Variants in STX17 observed in about 807,000 individuals in gnomAD.
STX17 encodes the protein syntaxin-17.
STX17 carries 29 observed loss-of-function variants against 35.9 expected under a neutral mutation model. The observed-to-expected ratio is 0.81, with a 90% CI of 0.60 to 1.10. The LOEUF (loss-of-function observed/expected upper bound fraction) is 1.10. Ranked by LOEUF, STX17 falls within the 50% of genes least tolerant of loss-of-function variation. STX17 has a pLI of 0.00. For missense variants in STX17, 312 were observed against 352.3 expected (o/e 0.89, Z 0.92); for synonymous variants, 92 against 118.3 (o/e 0.78, Z 1.44).
In STX17 at chr9:99,913,920, C is replaced by G. The variant is rs557937608; in HGVS notation, c.-62-1258C>G. 181 of 151,700 alleles carry G rather than the reference C, an allele frequency of 1.2e-3. 2 individuals are homozygous for G. The highest frequency in any genetic ancestry group is 4.2e-3 in the African/African-American group (175 of 41,400). The allele number at this position is 151,700 out of a possible 1,614,324, so 9.4% of individuals were successfully genotyped here. A position where few individuals can be genotyped will look rare whatever the true frequency, so the allele number is the denominator to read the frequency against. On this transcript the variant is annotated intron_variant, in intron 1 of 7. Transcript: ENST00000259400. ...GGGGATGATAGATCTCTGAGAATCC[C>G]TTGAAACAATGGACTCTATTCTCCA...
intron 3 of STX17, among the ~76,000 whole-genome samples, chr9:99,940,937 C>G (rs986007184): frequency 6.6e-6 from 1 of 152,198 alleles, no homozygotes; most frequent in Non-Finnish European, 1.5e-5. Context: ...CTCTTGTGAA[C>G]TAAACTGCAA....
At chr9:99,926,036 A>G (rs958959400) in intron 2 of STX17, among the ~76,000 whole-genome samples, 1 of 151,518 alleles carries the variant, frequency 6.6e-6, no homozygotes, top group African/African-American at 2.4e-5. Flanking sequence ...TGTGTGTTTC[A>G]TTTTGGATAG....
chr9:99,961,878 C>T (rs1200692397), intron 6 of STX17, among the ~76,000 whole-genome samples: 2 of 152,082 alleles, frequency 1.3e-5, no homozygotes, highest in African/African-American at 4.8e-5. Context: ...GATATTGATA[C>T]TTAAACTATT....
chr9:99,926,888 T>G (rs979811572), intron 2 of STX17, among the ~76,000 whole-genome samples: 4 of 152,196 alleles, frequency 2.6e-5, no homozygotes, highest in African/African-American at 9.6e-5. Flanking sequence ...TACTTTGGAG[T>G]ATTCTACCTG....
intron 3 of STX17, among the ~76,000 whole-genome samples, chr9:99,943,592 A>G (rs1829413636): frequency 6.6e-6 from 1 of 152,246 alleles, no homozygotes; most frequent in Admixed American, 6.5e-5. Context: ...TACAGGCGTG[A>G]GCCACTGCAC....
At chr9:99,911,546 G>T (rs926181040) in intron 1 of STX17, among the ~76,000 whole-genome samples, 2 of 152,050 alleles carry the variant, frequency 1.3e-5, no homozygotes, top group African/African-American at 4.8e-5. Flanking sequence ...GGATCATATG[G>T]TAGTTTTATT....
At position 99,927,451 on chromosome 9, in the gene STX17, T is replaced by C. The variant is rs75253075; in HGVS notation, c.124-1327T>C. ...TTTGGTAAATACATTTTCAATATGGTCTAATTTTTTAAAATATTTTTATTT... is the reference window on the plus strand; with the variant it reads ...TTTGGTAAATACATTTTCAATATGGCCTAATTTTTTAAAATATTTTTATTT... On this transcript the variant is annotated intron_variant, in intron 2 of 7. Coordinates refer to ENST00000259400, the MANE Select transcript of STX17 (RefSeq NM_017919.3). Among the ~76,000 whole-genome samples the C allele has an allele frequency of 2.2e-3, 330 of 152,124 alleles. 1 individual carries two copies. The highest frequency in any genetic ancestry group is 7.5e-3 in the African/African-American group (313 of 41,534).
rs573078656 is a variant in STX17 at position 99,969,463 on chromosome 9, T to A, written c.*790T>A. The A allele has an allele frequency of 2.2e-4, 34 of 152,362 alleles. No homozygotes were observed. Among genetic ancestry groups the A allele is most frequent in the African/African-American group, 8.2e-4 (34 of 41,590 alleles). The allele number at this position is 152,362 out of a possible 1,614,324, so 9.4% of individuals were successfully genotyped here. On this transcript the variant is annotated 3_prime_UTR_variant, in exon 8 of 8. Transcript: ENST00000259400. ...TGGTTTCTGGGGTGAATTCTACCCA[T>A]GTATAATGAGGAATTCTCTCATAAC...
In STX17 at chr9:99,968,602, CAG is replaced by C. The variant is rs1442297838; in HGVS notation, c.840_841del (p.Lys281AsnfsTer17). On this transcript the variant is annotated frameshift_variant, in exon 8 of 8. Transcript: ENST00000259400. LOFTEE classifies it high-confidence loss of function. ...TGGAAAATTGATACAAAGAAAGAAA[CAG>C]AAAATGATGGAGAAGCTCACTTCCA... ...TGGKLIQRKK[Q>X]KMMEKLTSSC... The C allele has an allele frequency of 1.5e-5, 25 of 1,613,810 alleles. No homozygotes were observed. In the Admixed American group the frequency reaches 4.0e-4, roughly 26 times the overall value.
At chr9:99,927,975 G>T (rs918915591) in intron 2 of STX17, among the ~76,000 whole-genome samples, 1 of 151,892 alleles carries the variant, frequency 6.6e-6, no homozygotes, top group Non-Finnish European at 1.5e-5. Flanking sequence ...ATATATGAGG[G>T]AATTTTTATG....
chr9:99,964,009 T>C (rs917534911), intron 6 of STX17, among the ~76,000 whole-genome samples: 2 of 152,168 alleles, frequency 1.3e-5, no homozygotes, highest in Admixed American at 1.3e-4. Flanking sequence ...TAAATGGACG[T>C]ACCTGGAGTT....
chr9:99,954,593 T>G (rs2118498622), intron 4 of STX17, among the ~76,000 whole-genome samples: 1 of 152,220 alleles, frequency 6.6e-6, no homozygotes, highest in Non-Finnish European at 1.5e-5. Flanking sequence ...CATGTTTTTA[T>G]TCTATGCTCT....
At chr9:99,918,455 G>C (rs1828823251) in intron 2 of STX17, among the ~76,000 whole-genome samples, 1 of 151,740 alleles carries the variant, frequency 6.6e-6, no homozygotes, top group African/African-American at 2.4e-5. Context: ...CTTTTAAAGA[G>C]AATTCTGTTT....
intron 1 of STX17, among the ~76,000 whole-genome samples, chr9:99,911,731 C>A (rs1828669382): frequency 6.6e-6 from 1 of 152,044 alleles, no homozygotes; most frequent in Non-Finnish European, 1.5e-5. Flanking sequence ...CACCCACCAC[C>A]ACACCCAGCT....
In STX17 at chr9:99,968,413, GA is replaced by G. The variant is rs1354741040; in HGVS notation, c.670-19del. The G allele has an allele frequency of 6.6e-7, 1 of 1,510,780 alleles. No individual in the cohort carries two copies. 93.6% of individuals were successfully genotyped at this position (1,510,780 alleles called of 1,614,324 possible). On this transcript the variant is annotated intron_variant, in intron 7 of 7. Coordinates refer to ENST00000259400, the MANE Select transcript of STX17 (RefSeq NM_017919.3). ...ATATTCTCAACTCAGTTTCTAAATT[GA>G]ATTTTTTTTTTTTTTACAGGCTGCA...
rs1025372441 is a variant in STX17, at chr9:99,972,545, G to T, written c.*3872G>T. ...TTATACTGAAACTGAGTGCTGTACAGGGAGAATTGCATGAGTCCAGAAACT... is the reference window on the plus strand; with the variant it reads ...TTATACTGAAACTGAGTGCTGTACATGGAGAATTGCATGAGTCCAGAAACT... On this transcript the variant is annotated 3_prime_UTR_variant, in exon 8 of 8. Transcript: ENST00000259400. 2.0e-5 allele frequency among the ~76,000 whole-genome samples: 3 copies of T among 152,188 alleles called. No individual in the cohort carries two copies. Among genetic ancestry groups the T allele is most frequent in the African/African-American group, 7.2e-5 (3 of 41,446 alleles).
Position 99,943,694 on chromosome 9 carries a change from A to G in STX17, c.190-7366A>G, listed in dbSNP as rs147910204. Among the ~76,000 whole-genome samples, 885 of 152,358 alleles carry G rather than the reference A, an allele frequency of 5.8e-3. 5 individuals are homozygous for G. Among genetic ancestry groups the G allele is most frequent in the South Asian group, 0.021 (103 of 4,832 alleles). Reference sequence around the variant, plus strand: ...CATATTTTATTGTTTTATCTTTTATATGAAGCTAGATTTAAATTGCTGGTG... The same window carrying G: ...CATATTTTATTGTTTTATCTTTTATGTGAAGCTAGATTTAAATTGCTGGTG... On this transcript the variant is annotated intron_variant, in intron 3 of 7. Coordinates refer to ENST00000259400, the MANE Select transcript of STX17 (RefSeq NM_017919.3).
intron 3 of STX17, among the ~76,000 whole-genome samples, chr9:99,937,602 C>G (rs1436911354): frequency 1.3e-5 from 2 of 152,058 alleles, no homozygotes; most frequent in Non-Finnish European, 2.9e-5. Context: ...TGATTTGAGT[C>G]TTTTTTATAT....
chr9:99,949,968 C>CACA (rs1424065704), intron 3 of STX17, among the ~76,000 whole-genome samples: 2 of 151,602 alleles, frequency 1.3e-5, no homozygotes, highest in African/African-American at 4.8e-5. Context: ...CACACACACT[C>CACA]CTATGTGCTA....
Sources: allele counts gnomAD v4.1 joint callset (sites outside exome capture counted in the v4.1 genomes callset), GRCh38; gene constraint gnomAD v4.1.1; transcripts MANE v1.5; gene names NCBI Gene and HGNC (gene_info 2026-07-23, HGNC 2026-07-21).